Variants in AKAP8L observed in about 807,000 individuals in gnomAD.
The protein encoded by AKAP8L is A-kinase anchoring protein 8 like.
Under a neutral mutation model 77.5 loss-of-function variants are expected in AKAP8L, and 34 were observed. That is an observed-to-expected ratio of 0.44 (90% CI 0.33 to 0.58). The LOEUF (loss-of-function observed/expected upper bound fraction) is 0.58, where lower values mean the gene tolerates loss of function less well. Ranked by LOEUF, AKAP8L falls within the 20% of genes least tolerant of loss-of-function variation. The pLI, the probability that AKAP8L is intolerant of heterozygous loss-of-function variation, is 0.02. For synonymous variants in AKAP8L, 342 were observed against 340.7 expected (o/e 1.00, Z -0.04); for missense variants, 806 against 887.6 (o/e 0.91, Z 1.17).
In AKAP8L at chr19:15,380,053, G is replaced by T. The variant is rs866372438; in HGVS notation, c.*69C>A. 5.0e-6 allele frequency: 7 copies of T among 1,411,212 alleles called. No individual in the cohort carries two copies. The highest frequency in any genetic ancestry group is 5.2e-4 in the Middle Eastern group (2 of 3,862). The allele number at this position is 1,411,212 out of a possible 1,614,324, so 87.4% of individuals were successfully genotyped here. ...CAGTAACAGAGAAACCCGGAGGTGG[G>T]ATGGGAAAACTTTATTAGGTTTGGT... is the stretch of plus-strand genomic sequence containing the variant. On this transcript the variant is annotated 3_prime_UTR_variant, in exon 14 of 14. Transcript: ENST00000397410.
At chr19:15,385,212 C>T (rs1348245621) in intron 12 of AKAP8L, among the ~76,000 whole-genome samples, 1 of 151,984 alleles carries the variant, frequency 6.6e-6, no homozygotes, top group Non-Finnish European at 1.5e-5. Flanking sequence ...CTCCTGACCT[C>T]GTGATCCGCC....
At chr19:15,405,683 G>A (rs1967982425) in intron 2 of AKAP8L, among the ~76,000 whole-genome samples, 1 of 151,882 alleles carries the variant, frequency 6.6e-6, no homozygotes, top group East Asian at 2.0e-4. Context: ...CAGAACTTTG[G>A]GAGGCCAAGG....
intron 12 of AKAP8L, among the ~76,000 whole-genome samples, chr19:15,393,077 A>C (rs773365536): frequency 6.6e-6 from 1 of 152,050 alleles, no homozygotes; most frequent in Non-Finnish European, 1.5e-5. Flanking sequence ...AGATCATTCA[A>C]TGGGGGGAAA....
chr19:15,410,822 A>G (rs1034069059), intron 1 of AKAP8L, among the ~76,000 whole-genome samples: 23 of 152,042 alleles, frequency 1.5e-4, no homozygotes, highest in Admixed American at 1.0e-3. Flanking sequence ...AAAATTATTT[A>G]TTTACTTTTT....
chr19:15,406,023 T>C (rs1967990052), intron 2 of AKAP8L, among the ~76,000 whole-genome samples: 1 of 152,084 alleles, frequency 6.6e-6, no homozygotes, highest in African/African-American at 2.4e-5. Flanking sequence ...ACTGCAAGCT[T>C]CACCTGCTGA....
Position 15,397,448 on chromosome 19 carries a change from T to C in AKAP8L, c.1405+72A>G. 2.6e-6 allele frequency: 4 copies of C among 1,514,924 alleles called. No homozygotes were observed. The highest frequency in any genetic ancestry group is 2.2e-4 in the Middle Eastern group (1 of 4,450). The allele number at this position is 1,514,924 out of a possible 1,614,324, so 93.8% of individuals were successfully genotyped here. On this transcript the variant is annotated intron_variant, in intron 11 of 13. Coordinates refer to ENST00000397410, the MANE Select transcript of AKAP8L (RefSeq NM_014371.4). The surrounding 1 kb of genome is among the most constrained non-coding windows in gnomAD (Gnocchi z 4.7). ...TCCCTGGGGGAACAGAAGGGTGTCC[T>C]GACCCTGCACCGAAAATCAGGAGTG...
chr19:15,402,204 C>A (rs1415770404), intron 4 of AKAP8L, among the ~76,000 whole-genome samples: 1 of 152,172 alleles, frequency 6.6e-6, no homozygotes, highest in Non-Finnish European at 1.5e-5. Context: ...TTACATCAAC[C>A]CTGGAGCCCA....
In AKAP8L at chr19:15,399,320, C is replaced by T. The variant is rs775614362; in HGVS notation, c.1139G>A (p.Arg380Gln). 21 of 1,613,876 alleles carry T rather than the reference C, an allele frequency of 1.3e-5. 1 individual carries two copies. The highest frequency in any genetic ancestry group is 6.7e-5 in the East Asian group (3 of 44,870). The change falls in exon 9 of 14, where the codon CGA becomes CAA. Residue 380 changes from arginine (R) to glutamine (Q), a missense_variant. By Grantham distance (43) the Arg-to-Gln change is conservative. Around this residue, in one of 2 missense-constraint regions of AKAP8L, gnomAD observed 580 missense variants for 694.1 expected, o/e 0.84. Transcript: ENST00000397410. This position sits in a 1 kb window ranked among gnomAD's most constrained non-coding sequence, Gnocchi z 6.1. The part of the protein sequence containing the change: ...KSQDKQKKRQ[R>Q]DRMVERIQFV... ...TGGTTACCTTTCCACCATGCGGTCTCGCTGCCGCTTTTTCTGCTTGTCCTG... is the reference window on the plus strand; with the variant it reads ...TGGTTACCTTTCCACCATGCGGTCTTGCTGCCGCTTTTTCTGCTTGTCCTG...
In AKAP8L at chr19:15,398,765, C is replaced by G; in HGVS notation, c.1157+537G>C. ...GAGGAGGCAAGCGCCAGTGCGGGAG[C>G]CCTGAGGGCAGACAGACCCGACCAA... On this transcript the variant is annotated intron_variant, in intron 9 of 13. Coordinates refer to ENST00000397410, the MANE Select transcript of AKAP8L (RefSeq NM_014371.4). The surrounding 1 kb of genome is among the most constrained non-coding windows in gnomAD (Gnocchi z 9.2). The G allele has an allele frequency of 1.0e-6, 1 of 992,928 alleles. No homozygotes were observed. The highest frequency in any genetic ancestry group is 1.2e-6 in the Non-Finnish European group (1 of 834,704). 61.5% of individuals were successfully genotyped at this position (992,928 alleles called of 1,614,324 possible).
At chr19:15,382,114 A>C (rs1967430354) in intron 12 of AKAP8L, 1 of 152,188 alleles carries the variant, frequency 6.6e-6, no homozygotes, top group Non-Finnish European at 1.5e-5. Flanking sequence ...CCCACCGGCG[A>C]GTGAGTGCTC....
chr19:15,393,085 A>C (rs1354163153), intron 12 of AKAP8L, among the ~76,000 whole-genome samples: 2 of 152,152 alleles, frequency 1.3e-5, no homozygotes, highest in East Asian at 3.9e-4. Context: ...CAATGGGGGG[A>C]AAACAGTCTC....
intron 12 of AKAP8L, among the ~76,000 whole-genome samples, chr19:15,393,970 A>G (rs1166164459): frequency 6.6e-6 from 1 of 151,826 alleles, no homozygotes; most frequent in East Asian, 1.9e-4. Context: ...CAGGACCCTT[A>G]TATGTTGCTG....
chr19:15,400,089 C>T (rs1967860054), intron 8 of AKAP8L: 3 of 610,826 alleles, frequency 4.9e-6, no homozygotes, highest in African/African-American at 1.9e-5. Context: ...CACCACCATC[C>T]ACAGCCTCCG....
At chr19:15,391,719 T>C (rs1444036285) in intron 12 of AKAP8L, among the ~76,000 whole-genome samples, 1 of 151,658 alleles carries the variant, frequency 6.6e-6, no homozygotes, top group African/African-American at 2.4e-5. Context: ...TTTGTATTTT[T>C]AGTAGAGACG....
chr19:15,399,499 C>T lies in AKAP8L; in HGVS notation c.1049-89G>A. 1 of 934,138 alleles carries T rather than the reference C, an allele frequency of 1.1e-6. No individual in the cohort carries two copies. The highest frequency in any genetic ancestry group is 1.8e-6 in the Non-Finnish European group (1 of 570,388). The allele number at this position is 934,138 out of a possible 1,614,324, so 57.9% of individuals were successfully genotyped here. ...CTCTGGCTGAATCACCCACTGTCCA[C>T]TCCAGAGGGTCCATCGAGAATAGCT... On this transcript the variant is annotated intron_variant, in intron 8 of 13. Transcript: ENST00000397410. This position sits in a 1 kb window ranked among gnomAD's most constrained non-coding sequence, Gnocchi z 6.1.
Position 15,403,112 on chromosome 19 carries a change from T to C in AKAP8L, c.362+363A>G, listed in dbSNP as rs1251173784. Among the ~76,000 whole-genome samples the C allele has an allele frequency of 2.0e-5, 3 of 152,102 alleles. No homozygotes were observed. The highest frequency in any genetic ancestry group is 7.2e-5 in the African/African-American group (3 of 41,414). The stretch of plus-strand genomic sequence containing the variant: ...CACCCTTCACACCAAACTCCATCTG[T>C]CCTGCCCTGACACCACGCAGGAGGC... On this transcript the variant is annotated intron_variant, in intron 4 of 13. Coordinates refer to ENST00000397410, the MANE Select transcript of AKAP8L (RefSeq NM_014371.4). This position sits in a 1 kb window ranked among gnomAD's most constrained non-coding sequence, Gnocchi z 4.3.
At chr19:15,395,494 T>C (rs1227065737) in intron 12 of AKAP8L, among the ~76,000 whole-genome samples, 1 of 151,472 alleles carries the variant, frequency 6.6e-6, no homozygotes, top group East Asian at 2.0e-4. Flanking sequence ...TTTGTATTTT[T>C]AGTACAGACA....
At chr19:15,404,491 C>G (rs1156962900) in intron 2 of AKAP8L, among the ~76,000 whole-genome samples, 2 of 152,232 alleles carry the variant, frequency 1.3e-5, no homozygotes, top group South Asian at 4.1e-4. Flanking sequence ...CAAGAAGCAA[C>G]CCCTCGCTTG....
Position 15,380,091 on chromosome 19 carries a change from C to G in AKAP8L, c.*31G>C. ...TATTAGGTTTGGTTTCCAGCTTCGG[C>G]CACGCGGGCTCCGCCCGCCCCGAGC... is the stretch of plus-strand genomic sequence containing the variant. On this transcript the variant is annotated 3_prime_UTR_variant, in exon 14 of 14. Transcript: ENST00000397410. 2.8e-6 allele frequency: 4 copies of G among 1,453,986 alleles called. No homozygotes were observed. Among genetic ancestry groups the G allele is most frequent in the Non-Finnish European group, 2.7e-6 (3 of 1,115,322 alleles). The allele number at this position is 1,453,986 out of a possible 1,614,324, so 90.1% of individuals were successfully genotyped here.
Sources: allele counts gnomAD v4.1 joint callset (sites outside exome capture counted in the v4.1 genomes callset), GRCh38; gene constraint gnomAD v4.1.1; regional missense constraint gnomAD v4.1.1; non-coding constraint Gnocchi (gnomAD v3.1); transcripts MANE v1.5; gene names NCBI Gene and HGNC (gene_info 2026-07-23, HGNC 2026-07-21).